The following ZNF99 variants were observed in gnomAD, a reference collection of about 807,000 sequenced individuals.
The protein encoded by ZNF99 is zinc finger protein ENSP00000375192.
In ZNF99, 8 loss-of-function variants were observed where a neutral mutation model predicts 12.8. The observed-to-expected ratio is 0.62, with a 90% CI of 0.37 to 1.13. ZNF99 has a LOEUF of 1.13. ZNF99 is among the 50% of genes most tolerant of loss of function. ZNF99 has a pLI of 0.02. For missense variants in ZNF99, 1,007 were observed against 1,006.2 expected (o/e 1.00, Z -0.01); for synonymous variants, 318 against 319.0 (o/e 1.00, Z 0.03).
Position 22,758,492 on chromosome 19 carries a change from T to A in ZNF99, c.1417A>T (p.Ile473Leu). Reference sequence around the variant, plus strand: ...TAGGGTTTCTCTCCAGTATGAATTATCTCATGTTTTCTAAGGGCTGAAAAA... The same window carrying A: ...TAGGGTTTCTCTCCAGTATGAATTAACTCATGTTTTCTAAGGGCTGAAAAA... The part of the protein sequence containing the change: ...SNFSALRKHE[I>L]IHTGEKPYKC... Residue 473 changes from isoleucine (I) to leucine (L), a missense_variant, in exon 4 of 4, where the codon ATA becomes TTA. Ile to Leu is a conservative substitution (Grantham distance 5). Transcript: ENST00000596209. 1 of 1,613,396 alleles carries A rather than the reference T, an allele frequency of 6.2e-7. No individual in the cohort carries two copies. Among genetic ancestry groups the A allele is most frequent in the Non-Finnish European group, 8.5e-7 (1 of 1,179,682 alleles).
At chr19:22,769,876 T>C (rs759355210) in intron 1 of ZNF99, 1 of 1,352,732 alleles carries the variant, frequency 7.4e-7, no homozygotes. Context: ...GATACTTTTC[T>C]GGATAATAAA....
chr19:22,781,403 CTTTTT>C (rs35970718), intron 1 of ZNF99, among the ~76,000 whole-genome samples: 17 of 87,954 alleles, frequency 1.9e-4, no homozygotes, highest in East Asian at 1.2e-3. Flanking sequence ...ATTGGGGTCA[CTTTTT>C]TTTTTTTTTT....
intron 1 of ZNF99, among the ~76,000 whole-genome samples, chr19:22,772,181 T>C (rs534687612): frequency 2.0e-4 from 30 of 152,256 alleles, no homozygotes; most frequent in Non-Finnish European, 4.1e-4. Flanking sequence ...CAAGTTGATT[T>C]GTAAAGGCTA....
chr19:22,759,302 A>G lies in ZNF99; in HGVS notation c.607T>C (p.Cys203Arg). 1.3e-6 allele frequency: 2 copies of G among 1,549,410 alleles called. No individual in the cohort carries two copies. Among genetic ancestry groups the G allele is most frequent in the Non-Finnish European group, 1.7e-6 (2 of 1,147,992 alleles). Residue 203 changes from cysteine (C) to arginine (R), a missense_variant, in exon 4 of 4, where the codon TGT becomes CGT. Cys to Arg is a radical substitution (Grantham distance 180, BLOSUM62 -3). Coordinates refer to ENST00000596209, the MANE Select transcript of ZNF99 (RefSeq NM_001080409.3). ...TTAAAGGCTTTGCCACGTTCTTCAC[A>G]TTTGTAGATATTCTCTCTAGTATGA... ...RIHTRENIYK[C>R]EERGKAFKWF... is the part of the protein sequence containing the mutation.
In ZNF99 at chr19:22,784,052, T is replaced by C; in HGVS notation, c.-36A>G. 1 of 1,613,112 alleles carries C rather than the reference T, an allele frequency of 6.2e-7. No individual in the cohort carries two copies. Among genetic ancestry groups the C allele is most frequent in the Admixed American group, 1.7e-5 (1 of 59,974 alleles). On this transcript the variant is annotated 5_prime_UTR_variant, in exon 1 of 4. Transcript: ENST00000596209. ...CCAGGGGGTCCTGGCGTCCTAGCTG[T>C]GGATCTCCAAATACCTACAGGTCAC... is the stretch of plus-strand genomic sequence containing the variant.
Position 22,756,046 on chromosome 19 carries a change from C to A in ZNF99, c.*1268G>T. On this transcript the variant is annotated 3_prime_UTR_variant, in exon 4 of 4. Coordinates refer to ENST00000596209, the MANE Select transcript of ZNF99 (RefSeq NM_001080409.3). ...CACATTCTTTACATTTGTGGGGTTT[C>A]TCTCCAGCATGAATTGTTTTCTGCC... 8.3e-7 allele frequency: 1 copy of A among 1,199,482 alleles called. No individual in the cohort carries two copies. Among genetic ancestry groups the A allele is most frequent in the Non-Finnish European group, 1.2e-6 (1 of 867,580 alleles). The allele number at this position is 1,199,482 out of a possible 1,614,324, so 74.3% of individuals were successfully genotyped here.
rs1462016742 is a variant in ZNF99, at chr19:22,768,412, A to C, written c.131-12T>G. ...AGAGACAGCGATACCTGTTTTATTAAAAATAAATAACATAAATATTGCTCA... is the reference window on the plus strand; with the variant it reads ...AGAGACAGCGATACCTGTTTTATTACAAATAAATAACATAAATATTGCTCA... On this transcript the variant is annotated splice_polypyrimidine_tract_variant and intron_variant, in intron 2 of 3. Coordinates refer to ENST00000596209, the MANE Select transcript of ZNF99 (RefSeq NM_001080409.3). 6.3e-7 allele frequency: 1 copy of C among 1,596,560 alleles called. No homozygotes were observed. Among genetic ancestry groups the C allele is most frequent in the South Asian group, 1.1e-5 (1 of 87,464 alleles).
At chr19:22,768,174 A>T (rs1481330054) in intron 3 of ZNF99, 131 bp downstream of exon 3, 12 of 1,031,892 alleles carry the variant, frequency 1.2e-5, no homozygotes, top group Non-Finnish European at 1.5e-5. Flanking sequence ...GCAAAATTTT[A>T]AAAAATCTCA....
chr19:22,778,745 C>T (rs1252332308), intron 1 of ZNF99, among the ~76,000 whole-genome samples: 2 of 152,168 alleles, frequency 1.3e-5, no homozygotes, highest in African/African-American at 4.8e-5. Context: ...GTGGCTCACA[C>T]CTGTAATCCC....
intron 1 of ZNF99, among the ~76,000 whole-genome samples, chr19:22,780,253 C>A (rs183125004): frequency 6.6e-6 from 1 of 152,058 alleles, no homozygotes; most frequent in Non-Finnish European, 1.5e-5. Context: ...AGTAAGTGTT[C>A]GAAAAATTCA....
chr19:22,772,216 G>C (rs1357825056), intron 1 of ZNF99, among the ~76,000 whole-genome samples: 1 of 152,096 alleles, frequency 6.6e-6, no homozygotes, highest in African/African-American at 2.4e-5. Context: ...AGAGTGAGTT[G>C]ATACAAAGTT....
rs779648365 is a variant in ZNF99 at position 22,759,406 on chromosome 19, G to C, written c.503C>G (p.Thr168Ser). ...SNSNRYKIRH[T>S]KKKTFKCMKC... Reference sequence around the variant, plus strand: ...CATACATTTGAAAGTTTTCTTTTTAGTGTGTCTAATCTTATATCTATTTGA... The same window carrying C: ...CATACATTTGAAAGTTTTCTTTTTACTGTGTCTAATCTTATATCTATTTGA... The change falls in exon 4 of 4, where the codon ACT becomes AGT. Residue 168 changes from threonine (T) to serine (S), a missense_variant. Coordinates refer to ENST00000596209, the MANE Select transcript of ZNF99 (RefSeq NM_001080409.3). 3 of 1,573,178 alleles carry C rather than the reference G, an allele frequency of 1.9e-6. No homozygotes were observed. Among genetic ancestry groups the C allele is most frequent in the Non-Finnish European group, 2.6e-6 (3 of 1,158,072 alleles).
intron 1 of ZNF99, among the ~76,000 whole-genome samples, chr19:22,773,137 G>A (rs2145155014): frequency 6.6e-6 from 1 of 152,308 alleles, no homozygotes; most frequent in Non-Finnish European, 1.5e-5. Flanking sequence ...AAACAATTCT[G>A]CCTGCATATT....
intron 3 of ZNF99, among the ~76,000 whole-genome samples, chr19:22,759,968 C>T (rs890398402): frequency 2.6e-5 from 4 of 152,152 alleles, no homozygotes; most frequent in Admixed American, 6.5e-5. Context: ...CCCAACTCAG[C>T]TCTTCCTGCT....
intron 3 of ZNF99, among the ~76,000 whole-genome samples, chr19:22,762,219 C>T (rs1007164958): frequency 5.3e-5 from 8 of 151,738 alleles, no homozygotes; most frequent in African/African-American, 1.9e-4. Context: ...CTTTAAAACG[C>T]ATAAATACAA....
chr19:22,774,042 C>G (rs564654211), intron 1 of ZNF99: 2 of 154,078 alleles, frequency 1.3e-5, no homozygotes, highest in South Asian at 4.1e-4. Context: ...CCCACTGTGA[C>G]AGCCCACCTC....
chr19:22,755,656 A>C lies in ZNF99; in HGVS notation c.*1658T>G, dbSNP rs976637886. On this transcript the variant is annotated 3_prime_UTR_variant, in exon 4 of 4. Transcript: ENST00000596209. ...CAAGATAAATTATTTTATGTTGAGT[A>C]AAGTTTGAGGACTGGTTAAAAGCTT... 70 of 283,048 alleles carry C rather than the reference A, an allele frequency of 2.5e-4. No homozygotes were observed. Among genetic ancestry groups the C allele is most frequent in the African/African-American group, 1.5e-3 (67 of 44,968 alleles). The allele number at this position is 283,048 out of a possible 1,614,324, so 17.5% of individuals were successfully genotyped here. A position where few individuals can be genotyped will look rare whatever the true frequency, so the allele number is the denominator to read the frequency against.
At chr19:22,772,422 C>A (rs1172867152) in intron 1 of ZNF99, among the ~76,000 whole-genome samples, 1 of 152,174 alleles carries the variant, frequency 6.6e-6, no homozygotes, top group African/African-American at 2.4e-5. Flanking sequence ...CGGTGGCTTG[C>A]GCCTATAATC....
Position 22,758,195 on chromosome 19 carries a change from T to G in ZNF99, c.1714A>C (p.Lys572Gln), listed in dbSNP as rs777753201. 6 of 1,613,858 alleles carry G rather than the reference T, an allele frequency of 3.7e-6. No individual in the cohort carries two copies. The Admixed American group carries it at 1.0e-4, about 27-fold the overall frequency. ...AGATGTGAAGATTGCTTAAAAGCTT[T>G]GCCACATTCTTCACATTTGTATGGT... ...KKPYKCEECG[K>Q]AFKQSSHLTR... Residue 572 changes from lysine (K) to glutamine (Q), a missense_variant, in exon 4 of 4, where the codon AAA becomes CAA. Lys to Gln is a moderately conservative substitution (Grantham distance 53, BLOSUM62 1). Coordinates refer to ENST00000596209, the MANE Select transcript of ZNF99 (RefSeq NM_001080409.3).
Sources: allele counts gnomAD v4.1 joint callset (sites outside exome capture counted in the v4.1 genomes callset), GRCh38; gene constraint gnomAD v4.1.1; transcripts MANE v1.5; gene names NCBI Gene and HGNC (gene_info 2026-07-23, HGNC 2026-07-21).